Variants in MCC observed in about 807,000 individuals in gnomAD.
MCC encodes MCC regulator of Wnt signaling pathway.
A neutral mutation model predicts 116.2 loss-of-function variants in MCC; 90 were observed. That is an observed-to-expected ratio of 0.77 (90% CI 0.65 to 0.92). The LOEUF (loss-of-function observed/expected upper bound fraction) is 0.92, where lower values mean the gene tolerates loss of function less well. MCC is among the 40% of genes least tolerant of loss of function. MCC has a pLI of 0.00. For missense variants in MCC, 1,516 were observed against 1,312.2 expected (o/e 1.16, Z -2.40); for synonymous variants, 578 against 510.5 (o/e 1.13, Z -1.78).
At chr5:113,059,142 A>AAAC (rs1430964617) in intron 14 of MCC, among the ~76,000 whole-genome samples, 1 of 20,418 alleles carries the variant, frequency 4.9e-5, no homozygotes, top group African/African-American at 1.4e-4. Flanking sequence ...AAGAGGAAGG[A>AAAC]AATAAAAAAA....
intron 3 of MCC, among the ~76,000 whole-genome samples, chr5:113,158,415 G>A (rs1031677388): frequency 6.6e-5 from 10 of 152,168 alleles, no homozygotes; most frequent in Middle Eastern, 3.2e-3. Context: ...GGCAGGTTCC[G>A]CACTGCATGC....
intron 2 of MCC, among the ~76,000 whole-genome samples, chr5:113,381,439 G>A (rs950620325): frequency 6.6e-6 from 1 of 152,188 alleles, no homozygotes; most frequent in East Asian, 1.9e-4. Context: ...ACAGGAAAGG[G>A]CAGGGATATA....
chr5:113,280,026 G>T (rs1019531003), intron 3 of MCC, among the ~76,000 whole-genome samples: 5 of 152,162 alleles, frequency 3.3e-5, no homozygotes, highest in African/African-American at 1.2e-4. Flanking sequence ...AGCTCCTGGA[G>T]CTACTCCCAT....
intron 2 of MCC, among the ~76,000 whole-genome samples, chr5:113,345,519 G>C (rs576386112): frequency 3.9e-4 from 60 of 152,326 alleles, no homozygotes; most frequent in African/African-American, 1.4e-3. Flanking sequence ...GGAACCACAG[G>C]GGTGGTTGCA....
rs1404158104 is a variant in MCC at position 113,434,864 on chromosome 5, T to TGAGGCTGCCCTCTACAGCCCC, written c.171-49673_171-49653dup. 6.3e-7 allele frequency: 1 copy of TGAGGCTGCCCTCTACAGCCCC among 1,592,156 alleles called. No individual in the cohort carries two copies. Among genetic ancestry groups the TGAGGCTGCCCTCTACAGCCCC allele is most frequent in the Admixed American group, 1.7e-5 (1 of 58,964 alleles). On this transcript the variant is annotated intron_variant, in intron 1 of 18. Coordinates refer to ENST00000408903, the MANE Select transcript of MCC (RefSeq NM_001085377.2). This position sits in a 1 kb window ranked among gnomAD's most constrained non-coding sequence, Gnocchi z 4.2. Reference sequence around the variant, plus strand: ...TGGTGCCAGGAATGCCCAGTGCCTCTGAGGCTGCCCTCTACAGCCCCGAGG... The same window carrying TGAGGCTGCCCTCTACAGCCCC: ...TGGTGCCAGGAATGCCCAGTGCCTCTGAGGCTGCCCTCTACAGCCCCGAGGCTGCCCTCTACAGCCCCGAGG...
At chr5:113,282,156 G>A (rs1322278652) in intron 3 of MCC, among the ~76,000 whole-genome samples, 1 of 152,100 alleles carries the variant, frequency 6.6e-6, no homozygotes, top group Admixed American at 6.6e-5. Flanking sequence ...AAAAAAAATA[G>A]TTTTACAGAC....
At chr5:113,334,937 C>G (rs1200792813) in intron 3 of MCC, among the ~76,000 whole-genome samples, 2 of 151,642 alleles carry the variant, frequency 1.3e-5, no homozygotes, top group Non-Finnish European at 2.9e-5. Context: ...TAGGCCATTC[C>G]TTAGCCCTTT....
At chr5:113,127,364 C>T (rs897343775) in intron 5 of MCC, among the ~76,000 whole-genome samples, 1 of 152,178 alleles carries the variant, frequency 6.6e-6, no homozygotes, top group Non-Finnish European at 1.5e-5. Flanking sequence ...TTGGTATATA[C>T]CCAGTAATGT....
chr5:113,412,578 T>C (rs1329302129), intron 1 of MCC, among the ~76,000 whole-genome samples: 1 of 152,196 alleles, frequency 6.6e-6, no homozygotes, highest in African/African-American at 2.4e-5. Flanking sequence ...TGTTTGTCTG[T>C]TATTGGTGTA....
chr5:113,176,683 A>C (rs971701661), intron 3 of MCC, among the ~76,000 whole-genome samples: 1 of 152,214 alleles, frequency 6.6e-6, no homozygotes, highest in African/African-American at 2.4e-5. Context: ...ACTGTCACCC[A>C]GTTCAATTAA....
intron 3 of MCC, among the ~76,000 whole-genome samples, chr5:113,273,332 AC>A (rs1236954268): frequency 6.6e-5 from 10 of 152,306 alleles, no homozygotes; most frequent in African/African-American, 2.4e-4. Context: ...TTTTCTAAGA[AC>A]TGCCCCCAGG....
At chr5:113,314,965 T>G (rs1422266071) in intron 3 of MCC, among the ~76,000 whole-genome samples, 1 of 152,206 alleles carries the variant, frequency 6.6e-6, no homozygotes, top group African/African-American at 2.4e-5. Context: ...CTTCCAAGAG[T>G]TTTGCTCATT....
intron 3 of MCC, among the ~76,000 whole-genome samples, chr5:113,181,046 A>G (rs575715017): frequency 3.3e-5 from 5 of 152,300 alleles, no homozygotes; most frequent in African/African-American, 9.6e-5. Context: ...GCAATGCCCT[A>G]AAAACCTATA....
At chr5:113,290,870 A>C (rs922020923) in intron 3 of MCC, among the ~76,000 whole-genome samples, 3 of 152,032 alleles carry the variant, frequency 2.0e-5, no homozygotes, top group Non-Finnish European at 4.4e-5. Flanking sequence ...CTCAATTTTA[A>C]AAAAAAATCC....
intron 3 of MCC, among the ~76,000 whole-genome samples, chr5:113,247,015 TTC>T (rs1764605386): frequency 6.6e-6 from 1 of 152,120 alleles, no homozygotes; most frequent in Non-Finnish European, 1.5e-5. Context: ...CAGTCCACTG[TTC>T]GGTCCATTTC....
At chr5:113,287,115 A>G (rs1766293361) in intron 3 of MCC, among the ~76,000 whole-genome samples, 3 of 152,184 alleles carry the variant, frequency 2.0e-5, no homozygotes, top group Non-Finnish European at 2.9e-5. Context: ...ATAATTACAT[A>G]CAATTTATCT....
At chr5:113,384,709 A>G (rs1014932595) in intron 2 of MCC, among the ~76,000 whole-genome samples, 8 of 152,358 alleles carry the variant, frequency 5.3e-5, no homozygotes, top group African/African-American at 1.9e-4. Context: ...CCCTTCTTCC[A>G]TAATAGCTAC....
intron 2 of MCC, among the ~76,000 whole-genome samples, chr5:113,383,370 T>C (rs925360171): frequency 1.3e-5 from 2 of 152,206 alleles, no homozygotes; most frequent in Non-Finnish European, 2.9e-5. Flanking sequence ...ATTTAATAAA[T>C]ATTTACTGAG....
intron 7 of MCC, among the ~76,000 whole-genome samples, chr5:113,102,980 G>A (rs1264939052): frequency 6.6e-6 from 1 of 152,168 alleles, no homozygotes; most frequent in African/African-American, 2.4e-5. Flanking sequence ...CGGGCGTGGT[G>A]GCGCCCGCCT....
Sources: gnomAD v4.1 joint callset for allele counts (sites outside exome capture counted in the v4.1 genomes callset) on GRCh38, gnomAD v4.1.1 for gene constraint, Gnocchi (gnomAD v3.1) non-coding constraint, MANE v1.5 for transcripts, NCBI Gene and HGNC (gene_info 2026-07-23, HGNC 2026-07-21) for gene names.